SMIM9: variants seen among roughly 807,000 people sequenced by gnomAD.
The protein encoded by SMIM9 is small integral membrane protein 9.
SMIM9 carries 8 observed loss-of-function variants against 7.2 expected under a neutral mutation model. The observed-to-expected ratio is 1.10, with a 90% CI of 0.65 to 1.99. The LOEUF (loss-of-function observed/expected upper bound fraction) is 1.99, where lower values mean the gene tolerates loss of function less well. SMIM9 is among the 30% of genes most tolerant of loss of function. The probability of loss-of-function intolerance (pLI) is 0.00; values close to 1 mark genes in which losing one functional copy is unlikely to be tolerated. For missense variants in SMIM9, 76 were observed against 69.3 expected (o/e 1.10, Z -0.34); for synonymous variants, 19 against 26.4 (o/e 0.72, Z 0.86).
At chrX:154,829,411 A>G in intron 4 of SMIM9, 124 bp downstream of exon 4, 2 of 857,713 alleles carry the variant, frequency 2.3e-6, no homozygotes, top group Non-Finnish European at 3.2e-6. Context: ...TTCCTCCCAG[A>G]ATTGAATTTC....
chrX:154,833,517 C>T (rs188801164), intron 1 of SMIM9, among the ~76,000 whole-genome samples: 1 of 111,088 alleles, frequency 9.0e-6, no homozygotes, highest in Non-Finnish European at 1.9e-5. Flanking sequence ...CCCAGCTACT[C>T]GGGAGGCTGA....
rs2072434927 is a variant in SMIM9, at chrX:154,829,474, G to C, written c.272+61C>G. On this transcript the variant is annotated intron_variant, in intron 4 of 4. Transcript: ENST00000369529. Reference sequence around the variant, plus strand: ...GCAGGCTGGTGAGCAACCTGTTTCTGTTCCCACCCCCCTTCACATTCCCTC... The same window carrying C: ...GCAGGCTGGTGAGCAACCTGTTTCTCTTCCCACCCCCCTTCACATTCCCTC... 4 of 1,137,141 alleles carry C rather than the reference G, an allele frequency of 3.5e-6. No homozygotes were observed. The South Asian group carries it at 6.2e-5, about 18-fold the overall frequency. 93.7% of individuals were successfully genotyped at this position (1,137,141 alleles called of 1,213,427 possible).
intron 3 of SMIM9, among the ~76,000 whole-genome samples, chrX:154,830,400 A>T (rs189572739): frequency 9.0e-6 from 1 of 110,667 alleles, no homozygotes. Context: ...CCCCCAAAAC[A>T]ATTTAAATTA....
chrX:154,823,726 A>G lies in SMIM9; in HGVS notation c.*29T>C. The G allele has an allele frequency of 8.7e-7, 1 of 1,149,247 alleles. No individual in the cohort carries two copies. The highest frequency in any genetic ancestry group is 1.2e-6 in the Non-Finnish European group (1 of 864,073). The allele number at this position is 1,149,247 out of a possible 1,213,427, so 94.7% of individuals were successfully genotyped here. A position where few individuals can be genotyped will look rare whatever the true frequency, so the allele number is the denominator to read the frequency against. On this transcript the variant is annotated 3_prime_UTR_variant, in exon 5 of 5. Transcript: ENST00000369529. The stretch of plus-strand genomic sequence containing the variant: ...CTTTTGGAGTCCAACTGGAGAGACC[A>G]CACTTGCCCTGTTGAATCTTCTAGT...
At chrX:154,824,528 C>A (rs782617352) in intron 4 of SMIM9, among the ~76,000 whole-genome samples, 4 of 111,164 alleles carry the variant, frequency 3.6e-5, no homozygotes, top group Non-Finnish European at 5.7e-5. Flanking sequence ...GGCTTTCCCC[C>A]TATACAATTA....
rs2072442393 is a variant in SMIM9, at chrX:154,830,803, G to A, written c.54C>T (p.Cys18=). The change falls in exon 3 of 5, where the codon TGC becomes TGT. Residue 18 remains cysteine (C), a synonymous_variant. Coordinates refer to ENST00000369529, the MANE Select transcript of SMIM9 (RefSeq NM_001162936.4). ...AGGAAGCTACTGTCTCCAACAAGAG[G>A]CAAGTTAGAGAGCATAGCAGAAATC... ...IIGFLLCSLT[C]LLLETVASSP... 1.7e-6 allele frequency: 2 copies of A among 1,167,260 alleles called. No individual in the cohort carries two copies. Among genetic ancestry groups the A allele is most frequent in the Non-Finnish European group, 2.3e-6 (2 of 872,612 alleles).
rs782767087 is a variant in SMIM9 at position 154,825,562 on chromosome X, A to T, written c.273-1780T>A. Among the ~76,000 whole-genome samples, 9 of 110,815 alleles carry T rather than the reference A, an allele frequency of 8.1e-5. No homozygotes were observed. In the South Asian group the frequency reaches 1.2e-3, roughly 14 times the overall value. On this transcript the variant is annotated intron_variant, in intron 4 of 4. Coordinates refer to ENST00000369529, the MANE Select transcript of SMIM9 (RefSeq NM_001162936.4). ...AAATACCATTTGACCCAGCCATCCCATTACTGGGTATATACCCAAATGATT... is the reference window on the plus strand; with the variant it reads ...AAATACCATTTGACCCAGCCATCCCTTTACTGGGTATATACCCAAATGATT...
intron 3 of SMIM9, chrX:154,830,503 G>T: frequency 2.8e-6 from 1 of 358,019 alleles, no homozygotes; most frequent in Non-Finnish European, 4.8e-6. Context: ...CATAACAGAG[G>T]CTGTTCAATT....
chrX:154,832,014 T>C (rs1343053921), intron 2 of SMIM9, among the ~76,000 whole-genome samples: 1 of 111,534 alleles, frequency 9.0e-6, no homozygotes, highest in African/African-American at 3.3e-5. Flanking sequence ...CTGAATATAA[T>C]GTAAGCTCTA....
intron 2 of SMIM9, among the ~76,000 whole-genome samples, chrX:154,831,798 C>A (rs1053813974): frequency 9.0e-6 from 1 of 111,263 alleles, no homozygotes; most frequent in African/African-American, 3.3e-5. Context: ...GAATGCTTTT[C>A]CCCCAGGTAT....
intron 2 of SMIM9, among the ~76,000 whole-genome samples, 162 bp from the exon 3 acceptor site, chrX:154,831,117 G>A (rs1557270555): frequency 9.0e-6 from 1 of 111,477 alleles, no homozygotes; most frequent in African/African-American, 3.3e-5. Context: ...ACCTGACTAT[G>A]CTCTATCAGG....
chrX:154,826,081 AAAAAAGAAAAAAG>A (rs1569559143), intron 4 of SMIM9, among the ~76,000 whole-genome samples: 1 of 111,583 alleles, frequency 9.0e-6, no homozygotes, highest in Non-Finnish European at 1.9e-5. Flanking sequence ...AACAATAAAA[AAAAAAGAAAAAAG>A]AAAAAGAAAA....
At chrX:154,825,127 C>T (rs58181342) in intron 4 of SMIM9, among the ~76,000 whole-genome samples, 14,659 of 111,430 alleles carry the variant, frequency 0.13, 765 homozygotes, top group Non-Finnish European at 0.15. Flanking sequence ...CGGTGACTCA[C>T]GCCTGTAATC....
chrX:154,826,545 C>T (rs2072422673), intron 4 of SMIM9, among the ~76,000 whole-genome samples: 1 of 112,235 alleles, frequency 8.9e-6, no homozygotes, highest in Non-Finnish European at 1.9e-5. Context: ...GCATGTGCCA[C>T]CATGCCCGAC....
chrX:154,826,772 CAGG>C (rs1214848199), intron 4 of SMIM9, among the ~76,000 whole-genome samples: 1 of 112,261 alleles, frequency 8.9e-6, no homozygotes, highest in East Asian at 2.8e-4. Context: ...CAGTTATTTA[CAGG>C]AGATGTGCAC....
chrX:154,829,357 G>A (rs1469771766), intron 4 of SMIM9, among the ~76,000 whole-genome samples, 178 bp downstream of exon 4: 1 of 112,104 alleles, frequency 8.9e-6, no homozygotes, highest in Non-Finnish European at 1.9e-5. Flanking sequence ...AAGTAAAAGA[G>A]AAAGTAGACA....
chrX:154,824,133 A>G (rs900998200), intron 4 of SMIM9, among the ~76,000 whole-genome samples: 6 of 110,724 alleles, frequency 5.4e-5, no homozygotes, highest in African/African-American at 1.3e-4. Flanking sequence ...CGAGGCAGGC[A>G]GATCACGAGG....
At chrX:154,829,493 TTCCCTCTCTCC>T (rs2072435141) in intron 4 of SMIM9, 31 bp downstream of exon 4, 1 of 1,156,850 alleles carries the variant, frequency 8.6e-7, no homozygotes, top group African/African-American at 1.8e-5. Context: ...CCCCTTCACA[TTCCCTCTCTCC>T]TCCCTGTCTC....
chrX:154,823,591 T>A lies in SMIM9; in HGVS notation c.*164A>T. ...AATAAGGATATTCACATTTTAAAAT[T>A]GCAACTTTTGAAGGAGAAAATGAAG... On this transcript the variant is annotated 3_prime_UTR_variant, in exon 5 of 5. Transcript: ENST00000369529. 1 of 434,289 alleles carries A rather than the reference T, an allele frequency of 2.3e-6. No homozygotes were observed. The highest frequency in any genetic ancestry group is 3.7e-6 in the Non-Finnish European group (1 of 273,191). 35.8% of individuals were successfully genotyped at this position (434,289 alleles called of 1,213,427 possible).
Sources: gnomAD v4.1 joint callset for allele counts (sites outside exome capture counted in the v4.1 genomes callset) on GRCh38, gnomAD v4.1.1 for gene constraint, MANE v1.5 for transcripts, NCBI Gene and HGNC (gene_info 2026-07-23, HGNC 2026-07-21) for gene names.